Variants in PDCD10 observed in about 807,000 individuals in gnomAD.
PDCD10 encodes the protein programmed cell death 10, also known as programmed cell death protein 10.
In PDCD10, 4 loss-of-function variants were observed where a neutral mutation model predicts 29.2. The ratio of observed to expected loss-of-function variants is 0.14; its 90% CI spans 0.07 to 0.31. The LOEUF (loss-of-function observed/expected upper bound fraction) is 0.31. Among genes scored for constraint, PDCD10 ranks in the 10% least tolerant of loss-of-function variants. The pLI is 1.00. For synonymous variants in PDCD10, 70 were observed against 82.2 expected (o/e 0.85, Z 0.80); for missense variants, 183 against 257.9 (o/e 0.71, Z 1.99).
chr3:167,720,733 AT>A (rs1228125177), intron 2 of PDCD10, among the ~76,000 whole-genome samples: 1 of 152,170 alleles, frequency 6.6e-6, no homozygotes, highest in Non-Finnish European at 1.5e-5. Context: ...GTGTTTTAAC[AT>A]TTTTATTAAA....
chr3:167,726,114 GTTTTTTT>G (rs751342370), intron 2 of PDCD10, among the ~76,000 whole-genome samples: 1,048 of 85,780 alleles, frequency 0.012, 24 homozygotes, highest in East Asian at 0.12. Flanking sequence ...GTAGAGTACT[GTTTTTTT>G]TTTTTTTTTT....
chr3:167,713,744 CA>C (rs1328854997), intron 3 of PDCD10, among the ~76,000 whole-genome samples: 1 of 151,796 alleles, frequency 6.6e-6, no homozygotes. Context: ...CATAGAAACT[CA>C]AAGGATCATT....
At position 167,697,058 on chromosome 3, in the gene PDCD10, T is replaced by C; in HGVS notation, c.219A>G (p.Glu73=). 6.2e-7 allele frequency: 1 copy of C among 1,611,702 alleles called. No homozygotes were observed. The highest frequency in any genetic ancestry group is 1.7e-4 in the Middle Eastern group (1 of 6,056). ...IMKILEKKSV[E]VNFTESLLRM... The stretch of plus-strand genomic sequence containing the variant: ...GAAGAAGGGACTCCGTGAAGTTAAC[T>C]TCCACGCTTTTTTTCTCTAAAATTT... The change falls in exon 5 of 9, where the codon GAA becomes GAG. Residue 73 remains glutamate, a synonymous_variant. Coordinates refer to ENST00000392750, the MANE Select transcript of PDCD10 (RefSeq NM_007217.4).
rs1185441131 is a variant in PDCD10 at position 167,691,357 on chromosome 3, T to C, written c.396-3664A>G. Among the ~76,000 whole-genome samples, 3 of 152,208 alleles carry C rather than the reference T, an allele frequency of 2.0e-5. No individual in the cohort carries two copies. In the East Asian group the frequency reaches 5.8e-4, roughly 29 times the overall value. ...AGGAAGTAAATTTTCATTGCCACCA[T>C]TACTCTTAATTCAATTGTGCTAAAT... On this transcript the variant is annotated intron_variant, in intron 6 of 8. Coordinates refer to ENST00000392750, the MANE Select transcript of PDCD10 (RefSeq NM_007217.4).
chr3:167,704,659 G>A (rs1721789260), intron 4 of PDCD10, 183 bp downstream of exon 4: 3 of 518,640 alleles, frequency 5.8e-6, no homozygotes, highest in African/African-American at 1.9e-5. Context: ...GAATGCTAAC[G>A]AAATAACATT....
At chr3:167,712,005 A>G (rs1256511868) in intron 3 of PDCD10, among the ~76,000 whole-genome samples, 2 of 152,184 alleles carry the variant, frequency 1.3e-5, no homozygotes, top group African/African-American at 4.8e-5. Context: ...CCTAGAAGAA[A>G]TAACAAAGGG....
At chr3:167,707,630 A>G (rs1388597422) in intron 3 of PDCD10, among the ~76,000 whole-genome samples, 1 of 151,900 alleles carries the variant, frequency 6.6e-6, no homozygotes, top group African/African-American at 2.4e-5. Context: ...GTGAGCCGAG[A>G]TCACACCACT....
rs1719274226 is a variant in PDCD10, at chr3:167,683,534, T to A, written c.*774A>T. On this transcript the variant is annotated 3_prime_UTR_variant, in exon 9 of 9. Coordinates refer to ENST00000392750, the MANE Select transcript of PDCD10 (RefSeq NM_007217.4). ...GTGCAAAGCTTATGAGGGCCCAGTA[T>A]ACGAAAGGCTTAATTTTTAAGAGTC... The A allele has an allele frequency of 6.6e-6, 1 of 151,954 alleles. No individual in the cohort carries two copies. Among genetic ancestry groups the A allele is most frequent in the Non-Finnish European group, 1.5e-5 (1 of 67,908 alleles). The allele number at this position is 151,954 out of a possible 1,614,324, so 9.4% of individuals were successfully genotyped here.
At chr3:167,718,563 T>C (rs1235599131) in intron 3 of PDCD10, among the ~76,000 whole-genome samples, 1 of 152,018 alleles carries the variant, frequency 6.6e-6, no homozygotes, top group Non-Finnish European at 1.5e-5. Context: ...AACCCCTTTG[T>C]GGCTAGGTTT....
intron 3 of PDCD10, among the ~76,000 whole-genome samples, chr3:167,708,078 A>G (rs1444281960): frequency 6.6e-6 from 1 of 152,160 alleles, no homozygotes; most frequent in Non-Finnish European, 1.5e-5. Flanking sequence ...TATTGTTGAT[A>G]GCCTTTAAGA....
chr3:167,715,405 A>G (rs911581151), intron 3 of PDCD10, among the ~76,000 whole-genome samples: 2 of 151,928 alleles, frequency 1.3e-5, no homozygotes, highest in African/African-American at 4.8e-5. Context: ...CAAAGGAAAC[A>G]TGGACAAATA....
At chr3:167,730,029 G>A (rs1027458445) in intron 2 of PDCD10, among the ~76,000 whole-genome samples, 2 of 152,066 alleles carry the variant, frequency 1.3e-5, no homozygotes, top group Non-Finnish European at 2.9e-5. Context: ...ATGTAAGGGT[G>A]AGCTTGAAAA....
At chr3:167,719,173 T>C (rs189546055) in intron 3 of PDCD10, among the ~76,000 whole-genome samples, 40 of 152,168 alleles carry the variant, frequency 2.6e-4, no homozygotes, top group African/African-American at 9.2e-4. Flanking sequence ...GAGATGAAAA[T>C]TCATTGGAAA....
At position 167,684,276 on chromosome 3, in the gene PDCD10, C is replaced by A. The variant is rs754697953; in HGVS notation, c.*32G>T. 8.1e-7 allele frequency: 1 copy of A among 1,228,170 alleles called. No individual in the cohort carries two copies. The highest frequency in any genetic ancestry group is 1.2e-6 in the Non-Finnish European group (1 of 828,448). 76.1% of individuals were successfully genotyped at this position (1,228,170 alleles called of 1,614,324 possible). ...AGATAAAGGCAGTTCAATACTGCCA[C>A]TGAGAAGTACATCTCTTAACATATA... On this transcript the variant is annotated 3_prime_UTR_variant, in exon 9 of 9. Transcript: ENST00000392750.
At position 167,720,286 on chromosome 3, in the gene PDCD10, G is replaced by T. The variant is rs140278271; in HGVS notation, c.-116-13C>A. On this transcript the variant is annotated splice_polypyrimidine_tract_variant and intron_variant, in intron 2 of 8. Transcript: ENST00000392750. ...AAAACACACTGATCTGGTGAAAGAG[G>T]AAGAAAGAACAGAGACTTACTATAT... 3 of 685,684 alleles carry T rather than the reference G, an allele frequency of 4.4e-6. No individual in the cohort carries two copies. The highest frequency in any genetic ancestry group is 7.9e-6 in the Non-Finnish European group (3 of 379,100). The allele number at this position is 685,684 out of a possible 1,614,324, so 42.5% of individuals were successfully genotyped here.
intron 2 of PDCD10, among the ~76,000 whole-genome samples, chr3:167,726,846 C>A (rs759600087): frequency 3.9e-5 from 6 of 152,102 alleles, no homozygotes; most frequent in Non-Finnish European, 8.8e-5. Context: ...ATATCTCTTG[C>A]CTCACCCTAG....
rs954368196 is a variant in PDCD10 at position 167,701,724 on chromosome 3, A to G, written c.150+3118T>C. 3.9e-5 allele frequency among the ~76,000 whole-genome samples: 6 copies of G among 152,314 alleles called. No individual in the cohort carries two copies. In the East Asian group the frequency reaches 1.2e-3, roughly 29 times the overall value. On this transcript the variant is annotated intron_variant, in intron 4 of 8. Coordinates refer to ENST00000392750, the MANE Select transcript of PDCD10 (RefSeq NM_007217.4). ...GCTGTCAACAATCCTTGGTAGAAAG[A>G]ATACCATGAAAGTCTGGAAGAATTA...
Position 167,723,394 on chromosome 3 carries a change from A to G in PDCD10, c.-116-3121T>C, listed in dbSNP as rs377434449. On this transcript the variant is annotated intron_variant, in intron 2 of 8. Coordinates refer to ENST00000392750, the MANE Select transcript of PDCD10 (RefSeq NM_007217.4). ...CCAAGTCCCGGCAGCTGGGTAGCAC[A>G]TTAACAAAATTTCAACCCTCTAAGG... Among the ~76,000 whole-genome samples, 11 of 152,280 alleles carry G rather than the reference A, an allele frequency of 7.2e-5. No homozygotes were observed. In the South Asian group the frequency reaches 1.0e-3, roughly 14 times the overall value.
chr3:167,691,509 G>A (rs1720228463), intron 6 of PDCD10, among the ~76,000 whole-genome samples: 1 of 152,160 alleles, frequency 6.6e-6, no homozygotes, highest in South Asian at 2.1e-4. Context: ...TGACTAAAAT[G>A]TGCTGCTAAT....
Sources: gnomAD v4.1 joint callset for allele counts (sites outside exome capture counted in the v4.1 genomes callset) on GRCh38, gnomAD v4.1.1 for gene constraint, MANE v1.5 for transcripts, NCBI Gene and HGNC (gene_info 2026-07-23, HGNC 2026-07-21) for gene names.